Variants in BTBD16 observed in about 807,000 individuals in gnomAD.
BTBD16 encodes BTB domain containing 16.
In BTBD16, 66 loss-of-function variants were observed where a neutral mutation model predicts 67.4. That is an observed-to-expected ratio of 0.98 (90% CI 0.80 to 1.20). The LOEUF is 1.20. Ranked by LOEUF, BTBD16 falls within the 50% of genes most tolerant of loss-of-function variation. The probability of loss-of-function intolerance (pLI) is 0.00; values close to 1 mark genes in which losing one functional copy is unlikely to be tolerated. For missense variants in BTBD16, 634 were observed against 616.0 expected (o/e 1.03, Z -0.31); for synonymous variants, 242 against 236.4 (o/e 1.02, Z -0.22).
chr10:122,281,643 A>C (rs1158386454), intron 3 of BTBD16, among the ~76,000 whole-genome samples: 1 of 152,162 alleles, frequency 6.6e-6, no homozygotes, highest in Non-Finnish European at 1.5e-5. Context: ...GAGAATGCTA[A>C]CTGAAGGCAT....
At chr10:122,299,685 C>T (rs759427008) in intron 9 of BTBD16, among the ~76,000 whole-genome samples, 10 of 152,020 alleles carry the variant, frequency 6.6e-5, no homozygotes, top group Non-Finnish European at 1.2e-4. Flanking sequence ...TAGTCCTGGA[C>T]GCCACTTTGA....
At chr10:122,326,635 C>T (rs1448531547) in intron 10 of BTBD16, among the ~76,000 whole-genome samples, 1 of 152,078 alleles carries the variant, frequency 6.6e-6, no homozygotes. Flanking sequence ...CAATATGTAC[C>T]CATCAGAGGG....
At chr10:122,272,469 G>A (rs2096330881) in intron 1 of BTBD16, among the ~76,000 whole-genome samples, 2 of 152,184 alleles carry the variant, frequency 1.3e-5, no homozygotes, top group African/African-American at 4.8e-5. Flanking sequence ...AGCCTCCCAA[G>A]TAGCTGGGAT....
chr10:122,330,438 CTT>C (rs2096453275), intron 11 of BTBD16, among the ~76,000 whole-genome samples: 3 of 152,150 alleles, frequency 2.0e-5, no homozygotes, highest in Admixed American at 2.0e-4. Context: ...ACTGAAATAT[CTT>C]TAAAGAATAA....
At chr10:122,303,919 ATTTAC>A (rs1382689917) in intron 9 of BTBD16, among the ~76,000 whole-genome samples, 1 of 152,210 alleles carries the variant, frequency 6.6e-6, no homozygotes, top group Admixed American at 6.5e-5. Flanking sequence ...AGACAGAGGA[ATTTAC>A]TTTAATAATT....
chr10:122,307,137 G>A (rs7082865), intron 9 of BTBD16, 52 bp from the exon 10 acceptor site: 762,354 of 1,547,320 alleles, frequency 0.49, 195,200 homozygotes, highest in East Asian at 0.9. Context: ...TACAAGCAGC[G>A]TGATTTTGTG....
At chr10:122,322,906 T>C (rs865777908) in intron 10 of BTBD16, among the ~76,000 whole-genome samples, 3 of 152,186 alleles carry the variant, frequency 2.0e-5, no homozygotes, top group Non-Finnish European at 4.4e-5. Flanking sequence ...GTAAGCTTTC[T>C]CACTTGTAAA....
intron 4 of BTBD16, 55 bp downstream of exon 4, chr10:122,283,979 C>T (rs958272224): frequency 1.8e-5 from 24 of 1,369,982 alleles, no homozygotes; most frequent in Non-Finnish European, 2.3e-5. Flanking sequence ...TCAGGGGCAT[C>T]TTGTGGTCTT....
At position 122,329,562 on chromosome 10, in the gene BTBD16, A is replaced by T; in HGVS notation, c.994A>T (p.Ile332Phe). ...CTTCCTCTGCTTGCGTCTGCACGGC[A>T]TCACCAAAGGTAAGCCCCAGTCCAG... ...PLFLCLRLHG[I>F]TKGKDLEVLR... The change falls in exon 11 of 16, where the codon ATC (isoleucine) becomes TTC (phenylalanine). Residue 332 changes from isoleucine (I) to phenylalanine (F), a missense_variant. Transcript: ENST00000260723. The T allele has an allele frequency of 6.2e-7, 1 of 1,613,722 alleles. No homozygotes were observed. Among genetic ancestry groups the T allele is most frequent in the Non-Finnish European group, 8.5e-7 (1 of 1,179,990 alleles).
chr10:122,334,203 T>TTTTA (rs61026859), intron 13 of BTBD16, among the ~76,000 whole-genome samples: 52,867 of 149,644 alleles, frequency 0.35, 9,871 homozygotes, highest in East Asian at 0.69. Context: ...ACTTTTTTTT[T>TTTTA]TTTTTTTTTT....
At chr10:122,305,437 G>A (rs938512272) in intron 9 of BTBD16, among the ~76,000 whole-genome samples, 1 of 152,136 alleles carries the variant, frequency 6.6e-6, no homozygotes, top group Non-Finnish European at 1.5e-5. Flanking sequence ...TAGTGAGTGA[G>A]TTCCCTTGAG....
At chr10:122,302,212 T>C (rs2096395361) in intron 9 of BTBD16, among the ~76,000 whole-genome samples, 1 of 152,200 alleles carries the variant, frequency 6.6e-6, no homozygotes, top group Non-Finnish European at 1.5e-5. Context: ...TTGCTTTCCA[T>C]TTTGTAAACC....
chr10:122,300,456 C>T lies in BTBD16; in HGVS notation c.791+1322C>T, dbSNP rs547302532. The stretch of plus-strand genomic sequence containing the variant: ...TCTGCCCTGCTTGCTATATCATCTG[C>T]GTCTCTACGTGTATCTACATATACA... On this transcript the variant is annotated intron_variant, in intron 9 of 15. Transcript: ENST00000260723. Among the ~76,000 whole-genome samples the T allele has an allele frequency of 3.9e-5, 6 of 152,146 alleles. 1 individual carries two copies. The highest frequency in any genetic ancestry group is 2.6e-4 in the Admixed American group (4 of 15,278).
chr10:122,334,824 C>A, intron 13 of BTBD16, 57 bp from the exon 14 acceptor site: 3 of 1,125,344 alleles, frequency 2.7e-6, no homozygotes, highest in Non-Finnish European at 4.0e-6. Flanking sequence ...GCCCGGGTGA[C>A]TTTGAATACT....
At chr10:122,300,374 A>G (rs1187816176) in intron 9 of BTBD16, among the ~76,000 whole-genome samples, 2 of 152,126 alleles carry the variant, frequency 1.3e-5, no homozygotes, top group African/African-American at 4.8e-5. Flanking sequence ...TATATACACA[A>G]TAATGCATAA....
At chr10:122,313,871 T>C (rs1387308226) in intron 10 of BTBD16, among the ~76,000 whole-genome samples, 1 of 152,202 alleles carries the variant, frequency 6.6e-6, no homozygotes, top group Non-Finnish European at 1.5e-5. Context: ...ACTATATGTA[T>C]GACATATACA....
intron 10 of BTBD16, among the ~76,000 whole-genome samples, chr10:122,327,180 C>T (rs1457077507): frequency 6.6e-6 from 1 of 152,162 alleles, no homozygotes; most frequent in Non-Finnish European, 1.5e-5. Context: ...GAGGGTGGAC[C>T]ACAACCCTTA....
chr10:122,299,232 C>T (rs1228950415), intron 9 of BTBD16, 98 bp downstream of exon 9: 7 of 1,400,534 alleles, frequency 5.0e-6, no homozygotes, highest in Non-Finnish European at 6.7e-6. Flanking sequence ...GCTGCACCCC[C>T]ACCTTAAGCT....
chr10:122,321,678 G>A lies in BTBD16; in HGVS notation c.912-7802G>A, dbSNP rs2096435638. Among the ~76,000 whole-genome samples, 4 of 152,152 alleles carry A rather than the reference G, an allele frequency of 2.6e-5. No individual in the cohort carries two copies. In the South Asian group the frequency reaches 8.3e-4, roughly 31 times the overall value. On this transcript the variant is annotated intron_variant, in intron 10 of 15. Coordinates refer to ENST00000260723, the MANE Select transcript of BTBD16 (RefSeq NM_144587.5). ...CTTCTGTTGAAAAGTATTTGCTCGT[G>A]TACTTTTTCTACTTTTTAATGGAGT...
Sources: allele counts gnomAD v4.1 joint callset (sites outside exome capture counted in the v4.1 genomes callset), GRCh38; gene constraint gnomAD v4.1.1; transcripts MANE v1.5; gene names NCBI Gene and HGNC (gene_info 2026-07-23, HGNC 2026-07-21).